The following NYNRIN variants were observed in gnomAD, a reference collection of about 807,000 sequenced individuals.
The protein encoded by NYNRIN is NYN domain and retroviral integrase containing.
In NYNRIN, 86 loss-of-function variants were observed where a neutral mutation model predicts 146.6. The ratio of observed to expected loss-of-function variants is 0.59; its 90% CI spans 0.49 to 0.70. The LOEUF (loss-of-function observed/expected upper bound fraction) is 0.70, where lower values mean the gene tolerates loss of function less well. Among genes scored for constraint, NYNRIN ranks in the 30% least tolerant of loss-of-function variants. NYNRIN has a pLI of 0.00. For synonymous variants in NYNRIN, 1,027 were observed against 1,001.3 expected, an observed-to-expected ratio of 1.03 and a Z score of -0.48; for missense variants, 2,191 against 2,377.7, an observed-to-expected ratio of 0.92 and a Z score of 1.63.
In NYNRIN at chr14:24,418,106, C is replaced by A. The variant is rs993098175; in HGVS notation, c.*660C>A. ...GAGTGGGAGGATGGCCAGCCACAAG[C>A]CACCAGCTTGTCAGCATGGGAAGGG... is the stretch of plus-strand genomic sequence containing the variant. On this transcript the variant is annotated 3_prime_UTR_variant, in exon 9 of 9. Coordinates refer to ENST00000382554, the MANE Select transcript of NYNRIN (RefSeq NM_025081.3). The A allele has an allele frequency of 5.4e-6, 2 of 371,268 alleles. No individual in the cohort carries two copies. Among genetic ancestry groups the A allele is most frequent in the Non-Finnish European group, 1.1e-5 (2 of 186,808 alleles). 23.0% of individuals were successfully genotyped at this position (371,268 alleles called of 1,614,324 possible).
chr14:24,403,492 G>A (rs2042857542), intron 2 of NYNRIN, among the ~76,000 whole-genome samples: 1 of 152,164 alleles, frequency 6.6e-6, no homozygotes, highest in South Asian at 2.1e-4. Flanking sequence ...TCTTTCTTGG[G>A]TTGATGGAAC....
chr14:24,413,302 C>A lies in NYNRIN; in HGVS notation c.2745-14C>A. On this transcript the variant is annotated splice_polypyrimidine_tract_variant and intron_variant, in intron 7 of 8. Transcript: ENST00000382554. ...GGCTCACAGTGACTGTGCCTCTTCT[C>A]CCCCTGGGCCCAGCTTGCTGCCTTT... 6.2e-7 allele frequency: 1 copy of A among 1,607,018 alleles called. No homozygotes were observed. The highest frequency in any genetic ancestry group is 8.5e-7 in the Non-Finnish European group (1 of 1,176,196).
At chr14:24,408,549 T>A in intron 3 of NYNRIN, 22 bp downstream of exon 3, 11 of 1,549,228 alleles carry the variant, frequency 7.1e-6, no homozygotes, top group Non-Finnish European at 9.6e-6. Flanking sequence ...AGAATGAGCC[T>A]GGCTTCTCTG....
rs1185093148 is a variant in NYNRIN at position 24,408,714 on chromosome 14, C to CCAG, written c.925_927dup (p.Ser309dup). Reference sequence around the variant, plus strand: ...CAAGAGGAAGGGACAGTGCAAGCCACCAGCAGCCAGGACTCCACGAACCAC... The same window carrying CCAG: ...CAAGAGGAAGGGACAGTGCAAGCCACCAGCAGCAGCCAGGACTCCACGAACCAC... On this transcript the variant is annotated inframe_insertion, in exon 4 of 9. Transcript: ENST00000382554. 1.9e-6 allele frequency: 3 copies of CCAG among 1,613,728 alleles called. No homozygotes were observed. The African/African-American group carries it at 4.0e-5, about 22-fold the overall frequency.
At position 24,415,701 on chromosome 14, in the gene NYNRIN, T is replaced by C; in HGVS notation, c.3952T>C (p.Tyr1318His). The change falls in exon 9 of 9, where the codon TAC (tyrosine) becomes CAC (histidine). Residue 1318 changes from tyrosine (Y) to histidine (H), a missense_variant. By Grantham distance (83) the Tyr-to-His change is moderately conservative. Around this residue, in one of 3 missense-constraint regions of NYNRIN, gnomAD observed 1,291 missense variants for 1,417.0 expected, o/e 0.91. Coordinates refer to ENST00000382554, the MANE Select transcript of NYNRIN (RefSeq NM_025081.3). ...VCIHMSGYCF[Y>H]REDEWCAGFG... is the part of the protein sequence containing the mutation. ...CATCCACATGTCGGGCTACTGCTTC[T>C]ACCGTGAGGATGAGTGGTGTGCTGG... 1 of 1,613,970 alleles carries C rather than the reference T, an allele frequency of 6.2e-7. No homozygotes were observed. Among genetic ancestry groups the C allele is most frequent in the East Asian group, 2.2e-5 (1 of 44,866 alleles).
rs533737076 is a variant in NYNRIN at position 24,416,540 on chromosome 14, C to A, written c.4791C>A (p.Ser1597Arg). ...LFCIPRNLIGSELKVIESPWP... is the reference protein window; with the variant it reads ...LFCIPRNLIGRELKVIESPWP... ...GCATCCCCCGAAATCTCATAGGCAGCGAGTTGAAGGTTATTGAGTCCCCAT... is the reference window on the plus strand; with the variant it reads ...GCATCCCCCGAAATCTCATAGGCAGAGAGTTGAAGGTTATTGAGTCCCCAT... Residue 1597 changes from serine to arginine, a missense_variant, in exon 9 of 9, where the codon AGC becomes AGA. Around this residue, in one of 3 missense-constraint regions of NYNRIN, gnomAD observed 1,291 missense variants for 1,417.0 expected, o/e 0.91. Coordinates refer to ENST00000382554, the MANE Select transcript of NYNRIN (RefSeq NM_025081.3). The A allele has an allele frequency of 3.7e-6, 6 of 1,613,880 alleles. No individual in the cohort carries two copies. The South Asian group carries it at 4.4e-5, about 12-fold the overall frequency.
rs1291572216 is a variant in NYNRIN, at chr14:24,415,720, G to T, written c.3971G>T (p.Cys1324Phe). The change falls in exon 9 of 9, where the codon TGT (cysteine) becomes TTT (phenylalanine). Residue 1324 changes from cysteine to phenylalanine, a missense_variant. Transcript: ENST00000382554. ...GYCFYREDEW[C>F]AGFGLYVLSP... ...TGCTTCTACCGTGAGGATGAGTGGT[G>T]TGCTGGCTTTGGTCTCTATGTTCTA... The T allele has an allele frequency of 3.7e-6, 6 of 1,613,874 alleles. No homozygotes were observed. Among genetic ancestry groups the T allele is most frequent in the Non-Finnish European group, 5.1e-6 (6 of 1,179,820 alleles).
Position 24,417,013 on chromosome 14 carries a change from C to A in NYNRIN, c.5264C>A (p.Ala1755Asp). ...GCCTTCAGGGCCTCCTCCACTGATG[C>A]CACACCGTTCAAGGTCCTGACCGGG... Reference protein sequence around the residue: ...HLAFRASSTDATPFKVLTGGE... With the variant: ...HLAFRASSTDDTPFKVLTGGE... The change falls in exon 9 of 9, where the codon GCC becomes GAC. Residue 1755 changes from alanine (A) to aspartate (D), a missense_variant. By Grantham distance (126) the Ala-to-Asp change is moderately radical (BLOSUM62 -2). Around this residue, in one of 3 missense-constraint regions of NYNRIN, gnomAD observed 1,291 missense variants for 1,417.0 expected, o/e 0.91. Transcript: ENST00000382554. 1.3e-6 allele frequency: 2 copies of A among 1,599,602 alleles called. No homozygotes were observed. Among genetic ancestry groups the A allele is most frequent in the Non-Finnish European group, 1.7e-6 (2 of 1,171,850 alleles).
intron 6 of NYNRIN, chr14:24,412,637 T>C: frequency 4.9e-6 from 1 of 203,858 alleles, no homozygotes; most frequent in Non-Finnish European, 9.9e-6. Flanking sequence ...TTATCTCTGT[T>C]TTACAGATGC....
At position 24,407,889 on chromosome 14, in the gene NYNRIN, C is replaced by T. The variant is rs1371988216; in HGVS notation, c.219C>T (p.Cys73=). ...CCCAGGAATACCTGAAGGGCCTGTG[C>T]AGCCCAGAGCTGTGGAAAGAGGTTC... ...GKAKEYLKGL[C]SPELWKEVRY... The change falls in exon 3 of 9, where the codon TGC becomes TGT. Residue 73 remains cysteine, a synonymous_variant. Transcript: ENST00000382554. 6.2e-7 allele frequency: 1 copy of T among 1,611,150 alleles called. No individual in the cohort carries two copies. Among genetic ancestry groups the T allele is most frequent in the African/African-American group, 1.3e-5 (1 of 74,990 alleles).
chr14:24,400,411 C>T (rs1255917028), intron 2 of NYNRIN, among the ~76,000 whole-genome samples: 1 of 152,220 alleles, frequency 6.6e-6, no homozygotes, highest in Non-Finnish European at 1.5e-5. Flanking sequence ...CTGCCCCAGA[C>T]CACCTTCCCC....
intron 2 of NYNRIN, among the ~76,000 whole-genome samples, chr14:24,401,251 A>G (rs2042841256): frequency 1.3e-5 from 2 of 152,222 alleles, no homozygotes; most frequent in Admixed American, 1.3e-4. Context: ...TAATGGAATC[A>G]GTGGCTCCCT....
chr14:24,408,426 C>G lies in NYNRIN; in HGVS notation c.756C>G (p.Asn252Lys). The G allele has an allele frequency of 6.2e-7, 1 of 1,613,414 alleles. No homozygotes were observed. The highest frequency in any genetic ancestry group is 8.5e-7 in the Non-Finnish European group (1 of 1,179,692). Residue 252 changes from asparagine (N) to lysine (K), a missense_variant, in exon 3 of 9, where the codon AAC becomes AAG. By Grantham distance (94) the Asn-to-Lys change is moderately conservative (BLOSUM62 0). Around this residue, in one of 3 missense-constraint regions of NYNRIN, gnomAD observed 895 missense variants for 941.2 expected, o/e 0.95. Coordinates refer to ENST00000382554, the MANE Select transcript of NYNRIN (RefSeq NM_025081.3). Reference protein sequence around the residue: ...GPFVDMGTLQNRGPENSKRLS... With the variant: ...GPFVDMGTLQKRGPENSKRLS... ...TTGTGGACATGGGGACCCTCCAGAA[C>G]AGGGGCCCAGAAAATTCAAAGAGAT...
intron 6 of NYNRIN, among the ~76,000 whole-genome samples, chr14:24,412,018 A>G (rs915978970): frequency 6.6e-6 from 1 of 152,160 alleles, no homozygotes; most frequent in African/African-American, 2.4e-5. Context: ...TAGGGCAGGG[A>G]AGGCCCTGGC....
chr14:24,413,695 A>G (rs2042926556), intron 8 of NYNRIN, among the ~76,000 whole-genome samples: 1 of 152,224 alleles, frequency 6.6e-6, no homozygotes, highest in African/African-American at 2.4e-5. Context: ...TTTCAGATGT[A>G]TCCTATGCTA....
Position 24,417,551 on chromosome 14 carries a change from G to C in NYNRIN, c.*105G>C. ...CAGTCCACTGGGGGCCCTCAGTTGT[G>C]CCTTTTGTAGAGAACTTGCTTCATA... On this transcript the variant is annotated 3_prime_UTR_variant, in exon 9 of 9. Coordinates refer to ENST00000382554, the MANE Select transcript of NYNRIN (RefSeq NM_025081.3). 1 of 1,364,600 alleles carries C rather than the reference G, an allele frequency of 7.3e-7. No homozygotes were observed. The allele number at this position is 1,364,600 out of a possible 1,614,324, so 84.5% of individuals were successfully genotyped here. A position where few individuals can be genotyped will look rare whatever the true frequency, so the allele number is the denominator to read the frequency against.
rs1013940453 is a variant in NYNRIN, at chr14:24,415,650, T to C, written c.3901T>C (p.Phe1301Leu). 2 of 1,614,050 alleles carry C rather than the reference T, an allele frequency of 1.2e-6. No individual in the cohort carries two copies. The highest frequency in any genetic ancestry group is 1.7e-5 in the Admixed American group (1 of 60,032). ...TCGCTTCTTCCAGGTTCTGCCGCCT[T>C]TCTCTGACCTGTCCACGTTCGTCTG... ...MPRFFQVLPPFSDLSTFVCIH... is the reference protein window; with the variant it reads ...MPRFFQVLPPLSDLSTFVCIH... Residue 1301 changes from phenylalanine (F) to leucine (L), a missense_variant, in exon 9 of 9, where the codon TTC becomes CTC. Around this residue, in one of 3 missense-constraint regions of NYNRIN, gnomAD observed 1,291 missense variants for 1,417.0 expected, o/e 0.91. Transcript: ENST00000382554.
In NYNRIN at chr14:24,415,718, G is replaced by T; in HGVS notation, c.3969G>T (p.Trp1323Cys). 6.2e-7 allele frequency: 1 copy of T among 1,613,892 alleles called. No individual in the cohort carries two copies. Among genetic ancestry groups the T allele is most frequent in the Non-Finnish European group, 8.5e-7 (1 of 1,179,826 alleles). The change falls in exon 9 of 9, where the codon TGG (tryptophan) becomes TGT (cysteine). Residue 1323 changes from tryptophan (W) to cysteine (C), a missense_variant. Physicochemically the swap from Trp to Cys is radical, Grantham distance 215. Transcript: ENST00000382554. The part of the protein sequence containing the change: ...SGYCFYREDE[W>C]CAGFGLYVLS... ...ACTGCTTCTACCGTGAGGATGAGTG[G>T]TGTGCTGGCTTTGGTCTCTATGTTC...
At position 24,415,857 on chromosome 14, in the gene NYNRIN, C is replaced by G; in HGVS notation, c.4108C>G (p.Leu1370Val). ...CGLERFGQSPLPVVFLTHCNW... is the reference protein window; with the variant it reads ...CGLERFGQSPVPVVFLTHCNW... The stretch of plus-strand genomic sequence containing the variant: ...CCTGGAGCGCTTTGGCCAGTCCCCA[C>G]TCCCAGTGGTTTTCCTCACTCACTG... Residue 1370 changes from leucine (L) to valine (V), a missense_variant, in exon 9 of 9, where the codon CTC becomes GTC. Physicochemically the swap from Leu to Val is conservative, Grantham distance 32. Coordinates refer to ENST00000382554, the MANE Select transcript of NYNRIN (RefSeq NM_025081.3). 3 of 1,614,004 alleles carry G rather than the reference C, an allele frequency of 1.9e-6. No homozygotes were observed. The highest frequency in any genetic ancestry group is 2.2e-5 in the East Asian group (1 of 44,882).
Sources: gnomAD v4.1 joint callset for allele counts (sites outside exome capture counted in the v4.1 genomes callset) on GRCh38, gnomAD v4.1.1 for gene constraint, gnomAD v4.1.1 regional missense constraint, MANE v1.5 for transcripts, NCBI Gene and HGNC (gene_info 2026-07-23, HGNC 2026-07-21) for gene names.